MUC17: variants seen among roughly 807,000 people sequenced by gnomAD.
MUC17 encodes mucin 17, cell surface associated, also known as mucin-17.
Under a neutral mutation model 170.3 loss-of-function variants are expected in MUC17, and 190 were observed. The observed-to-expected ratio is 1.12, with a 90% CI of 0.99 to 1.26. The LOEUF (loss-of-function observed/expected upper bound fraction) is 1.26. Ranked by LOEUF, MUC17 falls within the 50% of genes most tolerant of loss-of-function variation. MUC17 has a pLI of 0.00. For synonymous variants in MUC17, 2,325 were observed against 2,002.5 expected, an observed-to-expected ratio of 1.16 and a Z score of -4.30; for missense variants, 6,415 against 5,530.0, an observed-to-expected ratio of 1.16 and a Z score of -5.08.
In MUC17 at chr7:101,034,400, T is replaced by A. The variant is rs1313556287; in HGVS notation, c.2984T>A (p.Val995Glu). The A allele has an allele frequency of 1.2e-6, 2 of 1,606,982 alleles. No individual in the cohort carries two copies. The highest frequency in any genetic ancestry group is 2.2e-5 in the South Asian group (2 of 90,052). ...LTSTPVSHTL[V>E]ANSEASTLST... Reference sequence around the variant, plus strand: ...AGCACACCTGTCAGCCACACGCTGGTGGCCAATTCTGAGGCTAGCACCCTT... The same window carrying A: ...AGCACACCTGTCAGCCACACGCTGGAGGCCAATTCTGAGGCTAGCACCCTT... Residue 995 changes from valine (V) to glutamate (E), a missense_variant, in exon 3 of 13, where the codon GTG becomes GAG. Coordinates refer to ENST00000306151, the MANE Select transcript of MUC17 (RefSeq NM_001040105.2).
chr7:101,048,181 T>C, intron 4 of MUC17, 66 bp downstream of exon 4: 4 of 1,452,580 alleles, frequency 2.8e-6, no homozygotes, highest in Non-Finnish European at 3.7e-6. Context: ...CAAGCAACAG[T>C]TCCTGCCCCA....
At position 101,041,815 on chromosome 7, in the gene MUC17, A is replaced by AC; in HGVS notation, c.10401dup (p.Thr3468HisfsTer7). 1 of 1,613,888 alleles carries AC rather than the reference A, an allele frequency of 6.2e-7. No homozygotes were observed. Among genetic ancestry groups the AC allele is most frequent in the Non-Finnish European group, 8.5e-7 (1 of 1,179,976 alleles). On this transcript the variant is annotated frameshift_variant, in exon 3 of 13. Coordinates refer to ENST00000306151, the MANE Select transcript of MUC17 (RefSeq NM_001040105.2). LOFTEE classifies it high-confidence loss of function. The stretch of plus-strand genomic sequence containing the variant: ...TCCATTATCAATTATGCCTCTCAGT[A>AC]CCACGCCGGTGGCCAGTTCTGAGGC...
Position 101,056,203 on chromosome 7 carries a change from C to A in MUC17, c.13373C>A (p.Ser4458Tyr). The A allele has an allele frequency of 6.2e-7, 1 of 1,613,932 alleles. No homozygotes were observed. The highest frequency in any genetic ancestry group is 8.5e-7 in the Non-Finnish European group (1 of 1,179,870). ...IGFDICQDDD[S>Y]IHLESIYSNF... is the part of the protein sequence containing the mutation. ...TCCATCCCTCCACAAGATGATGATT[C>A]CATCCACCTGGAGTCCATCTATAGT... The change falls in exon 12 of 13, where the codon TCC becomes TAC. Residue 4458 changes from serine to tyrosine, a missense_variant. Physicochemically the swap from Ser to Tyr is moderately radical, Grantham distance 144. Coordinates refer to ENST00000306151, the MANE Select transcript of MUC17 (RefSeq NM_001040105.2).
Position 101,051,609 on chromosome 7 carries a change from A to T in MUC17, c.12875-4A>T, listed in dbSNP as rs758908947. ...GTGAGGGGTTTTATGTGTCTCTTTC[A>T]CAGACATGATGTGTTTCAACACCAC... On this transcript the variant is annotated splice_polypyrimidine_tract_variant and splice_region_variant and intron_variant, in intron 7 of 12. Transcript: ENST00000306151. 7 of 1,613,092 alleles carry T rather than the reference A, an allele frequency of 4.3e-6. No homozygotes were observed. Among genetic ancestry groups the T allele is most frequent in the Non-Finnish European group, 5.9e-6 (7 of 1,179,762 alleles).
chr7:101,051,526 C>G (rs1321029614), intron 7 of MUC17, 87 bp from the exon 8 acceptor site: 2 of 1,355,866 alleles, frequency 1.5e-6, no homozygotes, highest in African/African-American at 1.5e-5. Context: ...CAGCCCACCC[C>G]CTTCTCACAC....
At position 101,043,602 on chromosome 7, in the gene MUC17, C is replaced by A. The variant is rs1261891285; in HGVS notation, c.12186C>A (p.Ile4062=). 2 of 1,614,150 alleles carry A rather than the reference C, an allele frequency of 1.2e-6. No homozygotes were observed. The highest frequency in any genetic ancestry group is 2.2e-5 in the South Asian group (2 of 91,084). ...CGTCAACAATTACTTCTCACACCAT[C>A]CCACCTACATTTCCTCCTGCTCACT... ...SRPSTITSHT[I]PPTFPPAHSS... The change falls in exon 3 of 13, where the codon ATC becomes ATA. Residue 4062 remains isoleucine, a synonymous_variant. Coordinates refer to ENST00000306151, the MANE Select transcript of MUC17 (RefSeq NM_001040105.2).
In MUC17 at chr7:101,051,693, C is replaced by T; in HGVS notation, c.12943+12C>T. The T allele has an allele frequency of 6.2e-7, 1 of 1,610,906 alleles. No homozygotes were observed. The highest frequency in any genetic ancestry group is 1.1e-5 in the South Asian group (1 of 90,824). ...GTACGACCCTGAAGGTAGGTGATAA[C>T]ACAAGGGGTTTGGGGGAAGGCTGGA... On this transcript the variant is annotated intron_variant, in intron 8 of 12. Transcript: ENST00000306151.
At chr7:101,047,335 T>A (rs1584874522) in intron 3 of MUC17, among the ~76,000 whole-genome samples, 1 of 152,220 alleles carries the variant, frequency 6.6e-6, no homozygotes, top group Non-Finnish European at 1.5e-5. Flanking sequence ...GTCGCTCACC[T>A]CTCACAATAC....
intron 1 of MUC17, among the ~76,000 whole-genome samples, chr7:101,026,118 CT>C (rs892921042): frequency 6.6e-6 from 1 of 152,184 alleles, no homozygotes. Flanking sequence ...CCCTGCAAAG[CT>C]TTTTTACTTC....
intron 11 of MUC17, chr7:101,053,676 G>C (rs902966252): frequency 2.0e-5 from 8 of 392,760 alleles, no homozygotes; most frequent in African/African-American, 1.6e-4. Context: ...TCAGGAGTTT[G>C]AGACCAGCCT....
At chr7:101,047,124 A>AAATAAATAAAT in intron 3 of MUC17, among the ~76,000 whole-genome samples, 1 of 149,348 alleles carries the variant, frequency 6.7e-6, no homozygotes, top group African/African-American at 2.4e-5. Flanking sequence ...ATAAATAAAT[A>AAATAAATAAAT]AAATAAGATC....
chr7:101,057,387 T>C lies in MUC17; in HGVS notation c.13441-616T>C, dbSNP rs57236669. Among the ~76,000 whole-genome samples the C allele has an allele frequency of 4.9e-3, 754 of 152,330 alleles. 9 individuals are homozygous for C. Among genetic ancestry groups the C allele is most frequent in the East Asian group, 0.03 (157 of 5,186 alleles). On this transcript the variant is annotated intron_variant, in intron 12 of 12. Coordinates refer to ENST00000306151, the MANE Select transcript of MUC17 (RefSeq NM_001040105.2). ...CAGCAAGGATAACTGTAAACCTACC[T>C]GGCGGGGAGGGGAAGGCACAATTGG...
rs369494380 is a variant in MUC17, at chr7:101,037,996, A to G, written c.6580A>G (p.Asn2194Asp). Residue 2194 changes from asparagine to aspartate, a missense_variant, in exon 3 of 13, where the codon AAT becomes GAT. Asn to Asp is a conservative substitution (Grantham distance 23, BLOSUM62 1). Transcript: ENST00000306151. ...TPVDTSTPVT[N>D]STEARSSPTT... is the part of the protein sequence containing the mutation. ...TGTTGACACCAGCACACCTGTGACC[A>G]ATTCTACTGAAGCCCGTTCATCTCC... The G allele has an allele frequency of 2.5e-6, 4 of 1,608,074 alleles. No individual in the cohort carries two copies. In the African/African-American group the frequency reaches 5.4e-5, roughly 22 times the overall value.
rs756471193 is a variant in MUC17, at chr7:101,033,537, C to G, written c.2121C>G (p.Thr707=). 2 of 1,614,066 alleles carry G rather than the reference C, an allele frequency of 1.2e-6. No individual in the cohort carries two copies. The highest frequency in any genetic ancestry group is 4.5e-5 in the East Asian group (2 of 44,864). Residue 707 remains threonine (T), a synonymous_variant, in exon 3 of 13, where the codon ACC becomes ACG. Coordinates refer to ENST00000306151, the MANE Select transcript of MUC17 (RefSeq NM_001040105.2). ...TGGTGGCCAGTTCTGAGGCTAGCAC[C>G]CTTTCAACAACTCCTGTTGACACCA... ...TTLVASSEAS[T]LSTTPVDTST...
Position 101,037,459 on chromosome 7 carries a change from C to A in MUC17, c.6043C>A (p.Pro2015Thr). 6.2e-7 allele frequency: 1 copy of A among 1,611,514 alleles called. No homozygotes were observed. Among genetic ancestry groups the A allele is most frequent in the Non-Finnish European group, 8.5e-7 (1 of 1,178,584 alleles). Residue 2015 changes from proline to threonine, a missense_variant, in exon 3 of 13, where the codon CCT (proline) becomes ACT (threonine). Physicochemically the swap from Pro to Thr is conservative, Grantham distance 38. Coordinates refer to ENST00000306151, the MANE Select transcript of MUC17 (RefSeq NM_001040105.2). Reference protein sequence around the residue: ...LSTTPVDTSTPATTSTEGSSS... With the variant: ...LSTTPVDTSTTATTSTEGSSS... ...CACAACTCCTGTTGACACCAGCACT[C>A]CTGCCACCACTTCTACTGAAGGCAG... is the stretch of plus-strand genomic sequence containing the variant.
chr7:101,035,734 G>C lies in MUC17; in HGVS notation c.4318G>C (p.Ala1440Pro). The C allele has an allele frequency of 1.2e-6, 2 of 1,610,088 alleles. No individual in the cohort carries two copies. Among genetic ancestry groups the C allele is most frequent in the Non-Finnish European group, 1.7e-6 (2 of 1,177,874 alleles). Residue 1440 changes from alanine (A) to proline (P), a missense_variant, in exon 3 of 13, where the codon GCT becomes CCT. Coordinates refer to ENST00000306151, the MANE Select transcript of MUC17 (RefSeq NM_001040105.2). ...SAEATSSPTT[A>P]EGISIPTSTP... ...TGAAGCCACTTCATCTCCTACAACT[G>C]CTGAAGGTATCAGCATACCAACCTC...
intron 1 of MUC17, among the ~76,000 whole-genome samples, chr7:101,030,483 A>G (rs1284312523): frequency 6.6e-6 from 1 of 152,174 alleles, no homozygotes; most frequent in East Asian, 1.9e-4. Flanking sequence ...TCAGCTTCCC[A>G]AAGTGCTGGG....
intron 11 of MUC17, among the ~76,000 whole-genome samples, chr7:101,053,957 G>C (rs547737029): frequency 6.7e-6 from 1 of 149,026 alleles, no homozygotes; most frequent in South Asian, 2.1e-4. Context: ...CTACTCATGA[G>C]GCTGAGGCAG....
At chr7:101,031,247 T>G in intron 2 of MUC17, 26 bp downstream of exon 2, 2 of 1,599,144 alleles carry the variant, frequency 1.3e-6, no homozygotes, top group Non-Finnish European at 1.7e-6. Flanking sequence ...CCAAGATCTA[T>G]CTGGGAAGGT....
Sources: gnomAD v4.1 joint callset for allele counts (sites outside exome capture counted in the v4.1 genomes callset) on GRCh38, gnomAD v4.1.1 for gene constraint, MANE v1.5 for transcripts, NCBI Gene and HGNC (gene_info 2026-07-23, HGNC 2026-07-21) for gene names.